KIAA1328: variants seen among roughly 807,000 people sequenced by gnomAD.
The protein encoded by KIAA1328 is KIAA1328, also known as protein hinderin.
A neutral mutation model predicts 68.1 loss-of-function variants in KIAA1328; 52 were observed. That is an observed-to-expected ratio of 0.76 (90% CI 0.61 to 0.96). The LOEUF is 0.96. KIAA1328 is among the 40% of genes least tolerant of loss of function. The pLI, the probability that KIAA1328 is intolerant of heterozygous loss-of-function variation, is 0.00. For synonymous variants in KIAA1328, 232 were observed against 239.4 expected (o/e 0.97, Z 0.28); for missense variants, 641 against 677.6 (o/e 0.95, Z 0.60).
At chr18:37,039,235 A>G (rs2055147572) in intron 6 of KIAA1328, among the ~76,000 whole-genome samples, 1 of 152,042 alleles carries the variant, frequency 6.6e-6, no homozygotes, top group African/African-American at 2.4e-5. Context: ...AATATGTTTA[A>G]CAGTATTTCC....
intron 6 of KIAA1328, among the ~76,000 whole-genome samples, chr18:37,030,809 T>C (rs1419913905): frequency 6.6e-6 from 1 of 152,136 alleles, no homozygotes; most frequent in Non-Finnish European, 1.5e-5. Context: ...ATTAGATATT[T>C]CCCCTAATGC....
chr18:37,139,374 G>A (rs1021964754), intron 7 of KIAA1328, among the ~76,000 whole-genome samples: 1 of 152,114 alleles, frequency 6.6e-6, no homozygotes, highest in African/African-American at 2.4e-5. Flanking sequence ...TCTTTAAGAC[G>A]AGTTCTAAGC....
At chr18:36,942,267 C>T (rs2050743227) in intron 5 of KIAA1328, among the ~76,000 whole-genome samples, 1 of 152,216 alleles carries the variant, frequency 6.6e-6, no homozygotes, top group Non-Finnish European at 1.5e-5. Context: ...TTTCTGCCTG[C>T]ACCTGGTGTT....
At chr18:36,949,920 A>G (rs2151221968) in intron 5 of KIAA1328, among the ~76,000 whole-genome samples, 1 of 152,328 alleles carries the variant, frequency 6.6e-6, no homozygotes, top group East Asian at 1.9e-4. Flanking sequence ...TTTTTCTTTT[A>G]GTTAAATGGA....
chr18:37,064,984 A>G (rs1180615444), intron 6 of KIAA1328, among the ~76,000 whole-genome samples: 1 of 152,224 alleles, frequency 6.6e-6, no homozygotes, highest in Non-Finnish European at 1.5e-5. Flanking sequence ...AGTTTGTGCT[A>G]AGTTGTTATA....
chr18:37,202,264 T>C (rs1216488989), intron 9 of KIAA1328, among the ~76,000 whole-genome samples: 1 of 152,196 alleles, frequency 6.6e-6, no homozygotes. Flanking sequence ...TGAAAGGTTA[T>C]AACAAAATTA....
intron 7 of KIAA1328, among the ~76,000 whole-genome samples, chr18:37,074,059 A>G (rs760108060): frequency 4.5e-4 from 69 of 152,152 alleles, no homozygotes; most frequent in Non-Finnish European, 8.4e-4. Context: ...CTAGCCTCCC[A>G]CTGGACCTTT....
At chr18:37,095,090 CATT>C (rs2057367965) in intron 7 of KIAA1328, among the ~76,000 whole-genome samples, 1 of 152,060 alleles carries the variant, frequency 6.6e-6, no homozygotes, top group African/African-American at 2.4e-5. Flanking sequence ...TATAAAGGAT[CATT>C]ATTAGATCCA....
chr18:36,839,504 A>G (rs889759722), intron 3 of KIAA1328, among the ~76,000 whole-genome samples: 1 of 152,170 alleles, frequency 6.6e-6, no homozygotes, highest in African/African-American at 2.4e-5. Flanking sequence ...CTGTTTCAAT[A>G]TTCTTGACTA....
intron 7 of KIAA1328, among the ~76,000 whole-genome samples, chr18:37,098,033 A>G (rs2057468118): frequency 6.6e-6 from 1 of 152,134 alleles, no homozygotes; most frequent in African/African-American, 2.4e-5. Context: ...GGACAATTTG[A>G]CTTCCTCTTT....
chr18:36,855,970 C>A (rs1053887873), intron 4 of KIAA1328, among the ~76,000 whole-genome samples: 1 of 151,764 alleles, frequency 6.6e-6, no homozygotes, highest in African/African-American at 2.4e-5. Flanking sequence ...TGTTAGTTAA[C>A]AGGATTTTTT....
At chr18:36,865,193 T>C (rs1373400417) in intron 4 of KIAA1328, among the ~76,000 whole-genome samples, 1 of 152,100 alleles carries the variant, frequency 6.6e-6, no homozygotes, top group Non-Finnish European at 1.5e-5. Flanking sequence ...TTCTCAGCAC[T>C]ACTTTTACTG....
intron 6 of KIAA1328, among the ~76,000 whole-genome samples, chr18:37,014,942 C>T (rs1447222516): frequency 2.0e-5 from 3 of 152,242 alleles, no homozygotes; most frequent in Admixed American, 1.3e-4. Flanking sequence ...CTAGCTCTGT[C>T]GCCAGGCTGG....
chr18:37,211,434 G>A (rs1022059949), intron 9 of KIAA1328, among the ~76,000 whole-genome samples: 3 of 152,164 alleles, frequency 2.0e-5, no homozygotes, highest in South Asian at 2.1e-4. Flanking sequence ...CTGGAGAGAC[G>A]TAACTGGGTT....
intron 7 of KIAA1328, among the ~76,000 whole-genome samples, chr18:37,120,015 A>G (rs1042683994): frequency 3.9e-5 from 6 of 152,174 alleles, no homozygotes; most frequent in Non-Finnish European, 8.8e-5. Flanking sequence ...TAAGATATTG[A>G]CTTCAGGGGA....
chr18:36,921,474 G>A (rs1462200257), intron 5 of KIAA1328, among the ~76,000 whole-genome samples: 4 of 152,050 alleles, frequency 2.6e-5, no homozygotes, highest in African/African-American at 9.7e-5. Context: ...CGTCATATCG[G>A]CTCACTGTAA....
intron 4 of KIAA1328, among the ~76,000 whole-genome samples, chr18:36,847,251 G>T (rs1373854335): frequency 6.6e-6 from 1 of 151,398 alleles, no homozygotes; most frequent in Non-Finnish European, 1.5e-5. Context: ...GTTTTTGCAT[G>T]AACATAATTA....
chr18:37,213,941 T>C (rs1444069843), intron 9 of KIAA1328, among the ~76,000 whole-genome samples: 3 of 152,216 alleles, frequency 2.0e-5, no homozygotes, highest in Admixed American at 2.0e-4. Context: ...GCTGCATAAA[T>C]GTCTTCTTTA....
chr18:37,021,589 A>G (rs752754495), intron 6 of KIAA1328, among the ~76,000 whole-genome samples: 2 of 152,140 alleles, frequency 1.3e-5, no homozygotes, highest in Admixed American at 6.6e-5. Context: ...GGTATTTACA[A>G]TAGTTTCTTG....
Sources: allele counts gnomAD v4.1 joint callset (sites outside exome capture counted in the v4.1 genomes callset), GRCh38; gene constraint gnomAD v4.1.1; transcripts MANE v1.5; gene names NCBI Gene and HGNC (gene_info 2026-07-23, HGNC 2026-07-21).